ARHGAP25: variants seen among roughly 807,000 people sequenced by gnomAD.
ARHGAP25 encodes Rho GTPase activating protein 25, also known as rho GTPase-activating protein 25.
A neutral mutation model predicts 71.0 loss-of-function variants in ARHGAP25; 34 were observed. That is an observed-to-expected ratio of 0.48 (90% confidence interval 0.36 to 0.64). ARHGAP25 has a LOEUF of 0.64. Among genes scored for constraint, ARHGAP25 ranks in the 30% least tolerant of loss-of-function variants. The probability of loss-of-function intolerance (pLI) is 0.00; values close to 1 mark genes in which losing one functional copy is unlikely to be tolerated. For missense variants in ARHGAP25, 706 were observed against 805.1 expected, an observed-to-expected ratio of 0.88 and a Z score of 1.49; for synonymous variants, 282 against 296.5, an observed-to-expected ratio of 0.95 and a Z score of 0.50.
intron 2 of ARHGAP25, among the ~76,000 whole-genome samples, chr2:68,778,148 A>G (rs886892587): frequency 2.0e-5 from 3 of 152,184 alleles, no homozygotes; most frequent in Non-Finnish European, 4.4e-5. Flanking sequence ...TAGATTCCCC[A>G]CAGCATTGTT....
chr2:68,816,175 T>C (rs776234488), intron 6 of ARHGAP25, 114 bp from the exon 7 acceptor site: 1 of 860,010 alleles, frequency 1.2e-6, no homozygotes. Context: ...CAGGAATGAC[T>C]GCCAAAGTGT....
At chr2:68,748,148 CTG>C (rs894510303) in intron 1 of ARHGAP25, among the ~76,000 whole-genome samples, 4 of 152,198 alleles carry the variant, frequency 2.6e-5, no homozygotes, top group Non-Finnish European at 4.4e-5. Context: ...TCCTCCCACA[CTG>C]TGTCCCAGCC....
chr2:68,804,431 G>A (rs954893910), intron 4 of ARHGAP25, among the ~76,000 whole-genome samples: 25 of 152,094 alleles, frequency 1.6e-4, no homozygotes, highest in Admixed American at 3.9e-4. Flanking sequence ...GTTTTAAGTC[G>A]GAATATTTCA....
chr2:68,776,735 CAT>C (rs1302383820), intron 2 of ARHGAP25, among the ~76,000 whole-genome samples: 1 of 152,096 alleles, frequency 6.6e-6, no homozygotes, highest in Non-Finnish European at 1.5e-5. Flanking sequence ...ACCTAGAACT[CAT>C]GTGTGTGGAG....
At chr2:68,821,387 G>A (rs1265814790) in intron 9 of ARHGAP25, among the ~76,000 whole-genome samples, 3 of 152,094 alleles carry the variant, frequency 2.0e-5, no homozygotes, top group Admixed American at 1.3e-4. Flanking sequence ...GGCATCAGCC[G>A]CTGCACCCAG....
intron 5 of ARHGAP25, 33 bp from the exon 6 acceptor site, chr2:68,813,254 G>T (rs755751638): frequency 2.6e-5 from 41 of 1,585,246 alleles, no homozygotes; most frequent in East Asian, 2.3e-5. Context: ...TTCTTTCAAA[G>T]AGTTTCACAG....
chr2:68,720,369 T>A (rs1674732624), intron 2 of ARHGAP25, among the ~76,000 whole-genome samples: 1 of 148,120 alleles, frequency 6.8e-6, no homozygotes, highest in Non-Finnish European at 1.5e-5. Context: ...AAAAAAAAGC[T>A]CCTATACTTG....
At chr2:68,754,774 T>C (rs962230676) in intron 1 of ARHGAP25, among the ~76,000 whole-genome samples, 5 of 152,232 alleles carry the variant, frequency 3.3e-5, no homozygotes, top group Non-Finnish European at 7.4e-5. Flanking sequence ...AAATTTATGT[T>C]AGTTATTCTA....
chr2:68,764,321 A>C (rs1325203628), intron 1 of ARHGAP25, among the ~76,000 whole-genome samples: 1 of 152,178 alleles, frequency 6.6e-6, no homozygotes, highest in Non-Finnish European at 1.5e-5. Flanking sequence ...ATACTGCTAG[A>C]AACATTCACA....
At chr2:68,740,345 A>T (rs1414614078) in intron 1 of ARHGAP25, among the ~76,000 whole-genome samples, 1 of 152,204 alleles carries the variant, frequency 6.6e-6, no homozygotes, top group African/African-American at 2.4e-5. Context: ...AGAAGGCTTT[A>T]TACTATGTAT....
chr2:68,741,005 G>A (rs1213644443), intron 1 of ARHGAP25, among the ~76,000 whole-genome samples: 7 of 152,210 alleles, frequency 4.6e-5, no homozygotes, highest in African/African-American at 1.4e-4. Flanking sequence ...ACAAATGAGA[G>A]AGTAACACAT....
intron 1 of ARHGAP25, 119 bp from the exon 2 acceptor site, chr2:68,775,102 A>G: frequency 6.3e-7 from 1 of 1,585,112 alleles, no homozygotes; most frequent in Non-Finnish European, 8.6e-7. Flanking sequence ...CCTGAACTGG[A>G]CCTGGTTGTC....
chr2:68,796,007 C>T (rs141316571), intron 4 of ARHGAP25, among the ~76,000 whole-genome samples: 29 of 152,268 alleles, frequency 1.9e-4, no homozygotes, highest in African/African-American at 6.7e-4. Context: ...AAATGACTCA[C>T]TTTGTTCATT....
In ARHGAP25 at chr2:68,769,293, T is replaced by G. The variant is rs1160809970; in HGVS notation, c.62-5928T>G. On this transcript the variant is annotated intron_variant, in intron 1 of 10. Coordinates refer to ENST00000409202, the MANE Select transcript of ARHGAP25 (RefSeq NM_001007231.3). ...ACTATAATAATAATGTTAATAATAA[T>G]AGCTTTCATTTAATTTCTATGTTTT... is the stretch of plus-strand genomic sequence containing the variant. Among the ~76,000 whole-genome samples, 4 of 152,284 alleles carry G rather than the reference T, an allele frequency of 2.6e-5. No individual in the cohort carries two copies. In the East Asian group the frequency reaches 7.7e-4, roughly 29 times the overall value.
intron 5 of ARHGAP25, among the ~76,000 whole-genome samples, chr2:68,808,229 C>A (rs1680520952): frequency 6.6e-6 from 1 of 152,190 alleles, no homozygotes; most frequent in African/African-American, 2.4e-5. Flanking sequence ...GTCCTGCTGG[C>A]ATAAGATTGA....
chr2:68,761,426 T>C (rs1676810842), intron 1 of ARHGAP25, among the ~76,000 whole-genome samples: 2 of 151,560 alleles, frequency 1.3e-5, no homozygotes, highest in Non-Finnish European at 2.9e-5. Flanking sequence ...TATCAAAAGA[T>C]ACTACCAACA....
chr2:68,796,835 G>A (rs944743721), intron 4 of ARHGAP25, among the ~76,000 whole-genome samples: 5 of 152,228 alleles, frequency 3.3e-5, no homozygotes, highest in African/African-American at 1.2e-4. Context: ...GCAGGTGAGT[G>A]GGCTTTTGAC....
At chr2:68,798,243 T>C (rs1253774676) in intron 4 of ARHGAP25, among the ~76,000 whole-genome samples, 1 of 152,210 alleles carries the variant, frequency 6.6e-6, no homozygotes, top group Non-Finnish European at 1.5e-5. Flanking sequence ...TGAGCATGAT[T>C]TCCTAATCCA....
chr2:68,806,831 T>C (rs1680407773), intron 4 of ARHGAP25, among the ~76,000 whole-genome samples: 1 of 152,200 alleles, frequency 6.6e-6, no homozygotes, highest in East Asian at 1.9e-4. Context: ...CTGCCGTGGT[T>C]AAGGCATATT....
Sources: gnomAD v4.1 joint callset for allele counts (sites outside exome capture counted in the v4.1 genomes callset) on GRCh38, gnomAD v4.1.1 for gene constraint, MANE v1.5 for transcripts, NCBI Gene and HGNC (gene_info 2026-07-23, HGNC 2026-07-21) for gene names.